The following PALLD variants were observed in gnomAD, a reference collection of about 807,000 sequenced individuals.
PALLD encodes palladin.
In PALLD, 61 loss-of-function variants were observed where a neutral mutation model predicts 123.5. The ratio of observed to expected loss-of-function variants is 0.49; its 90% confidence interval spans 0.40 to 0.61. The LOEUF (loss-of-function observed/expected upper bound fraction) is 0.61. PALLD is among the 20% of genes least tolerant of loss of function. PALLD has a pLI of 0.00. For synonymous variants in PALLD, 465 were observed against 496.4 expected (o/e 0.94, Z 0.84); for missense variants, 1,273 against 1,377.0 (o/e 0.92, Z 1.20).
chr4:168,568,181 C>CA lies in PALLD; in HGVS notation c.908+55776dup, dbSNP rs140861490. Among the ~76,000 whole-genome samples the CA allele has an allele frequency of 2.6e-5, 4 of 151,480 alleles. 1 individual carries two copies. Among genetic ancestry groups the CA allele is most frequent in the Non-Finnish European group, 5.9e-5 (4 of 67,824 alleles). On this transcript the variant is annotated intron_variant, in intron 2 of 21. Transcript: ENST00000505667. The stretch of plus-strand genomic sequence containing the variant: ...CTATTAGTAACCAATAAATATATAG[C>CA]AAAAAAATCATTAGGCTTTATCGAC...
chr4:168,628,610 C>G (rs1176300477), intron 2 of PALLD, among the ~76,000 whole-genome samples: 1 of 152,280 alleles, frequency 6.6e-6, no homozygotes, highest in South Asian at 2.1e-4. Context: ...TTACCATGAT[C>G]AAGTCTTTGC....
At chr4:168,637,122 A>C (rs1199905044) in intron 2 of PALLD, among the ~76,000 whole-genome samples, 1 of 152,196 alleles carries the variant, frequency 6.6e-6, no homozygotes, top group Non-Finnish European at 1.5e-5. Flanking sequence ...TTTCTACTTA[A>C]AGATAGAAAC....
intron 2 of PALLD, among the ~76,000 whole-genome samples, chr4:168,587,945 G>T (rs1300716617): frequency 2.0e-5 from 3 of 152,084 alleles, no homozygotes; most frequent in African/African-American, 7.2e-5. Context: ...AGATGAGACT[G>T]CGAGGCGTGT....
intron 14 of PALLD, 32 bp from the exon 15 acceptor site, chr4:168,903,725 T>C: frequency 2.5e-6 from 4 of 1,583,534 alleles, no homozygotes; most frequent in Non-Finnish European, 3.5e-6. Flanking sequence ...ATACACAAAC[T>C]CCTAATCTTT....
intron 2 of PALLD, among the ~76,000 whole-genome samples, chr4:168,590,245 G>A (rs926422849): frequency 6.6e-6 from 1 of 152,224 alleles, no homozygotes; most frequent in Non-Finnish European, 1.5e-5. Context: ...AGGAGGCTGA[G>A]GCAGGAGAAT....
chr4:168,527,872 A>G (rs1345571493), intron 2 of PALLD, among the ~76,000 whole-genome samples: 3 of 152,220 alleles, frequency 2.0e-5, no homozygotes, highest in Admixed American at 6.5e-5. Context: ...TTAGTGTCCC[A>G]TCTTCCTCCT....
At chr4:168,816,006 A>G (rs141336675) in intron 10 of PALLD, among the ~76,000 whole-genome samples, 308 of 152,346 alleles carry the variant, frequency 2.0e-3, no homozygotes, top group African/African-American at 6.8e-3. Flanking sequence ...TTATTGTTTC[A>G]GGTTTCCCTT....
chr4:168,766,725 C>T (rs1005969909), intron 10 of PALLD, among the ~76,000 whole-genome samples: 9 of 152,190 alleles, frequency 5.9e-5, no homozygotes, highest in African/African-American at 9.6e-5. Context: ...GAAGTCACTG[C>T]GCCTTAGAAT....
chr4:168,527,212 C>T (rs955544837), intron 2 of PALLD, among the ~76,000 whole-genome samples: 5 of 152,038 alleles, frequency 3.3e-5, no homozygotes, highest in Admixed American at 2.6e-4. Flanking sequence ...CACCTGAGGT[C>T]GGGAGTTCAA....
At chr4:168,707,013 T>G (rs964084221) in intron 8 of PALLD, among the ~76,000 whole-genome samples, 1 of 152,238 alleles carries the variant, frequency 6.6e-6, no homozygotes, top group Non-Finnish European at 1.5e-5. Flanking sequence ...ATTAATTTGA[T>G]GTATAGGTAA....
At chr4:168,794,997 G>C (rs893684332) in intron 10 of PALLD, among the ~76,000 whole-genome samples, 3 of 152,122 alleles carry the variant, frequency 2.0e-5, no homozygotes, top group Admixed American at 6.5e-5. Flanking sequence ...GTTTGGTGAG[G>C]GTTGGCTTCC....
chr4:168,824,885 G>A (rs13144955), intron 10 of PALLD, among the ~76,000 whole-genome samples: 3 of 138,898 alleles, frequency 2.2e-5, no homozygotes, highest in South Asian at 2.2e-4. Context: ...GCAGTGGCAC[G>A]ATCTTGGCTC....
chr4:168,864,814 T>G (rs561442965), intron 10 of PALLD, among the ~76,000 whole-genome samples: 1 of 152,330 alleles, frequency 6.6e-6, no homozygotes, highest in African/African-American at 2.4e-5. Flanking sequence ...ATTTCAAGAT[T>G]TTGCAGCATT....
At chr4:168,501,533 TGCCTGTTGACAATTCAAGGTTGATA>T (rs1761401414) in intron 1 of PALLD, among the ~76,000 whole-genome samples, 1 of 152,246 alleles carries the variant, frequency 6.6e-6, no homozygotes, top group Non-Finnish European at 1.5e-5. Flanking sequence ...GGATATAAGC[TGCCTGTTGACAATTCAAGGTTGATA>T]GGATTCTGTA....
At chr4:168,587,872 G>T (rs138349300) in intron 2 of PALLD, among the ~76,000 whole-genome samples, 1 of 152,072 alleles carries the variant, frequency 6.6e-6, no homozygotes, top group African/African-American at 2.4e-5. Context: ...GCGCTCTTCA[G>T]GGGGGTGCAG....
intron 2 of PALLD, among the ~76,000 whole-genome samples, chr4:168,581,112 C>A (rs964500090): frequency 6.6e-6 from 1 of 151,822 alleles, no homozygotes; most frequent in Non-Finnish European, 1.5e-5. Flanking sequence ...TGAACATGTA[C>A]CCCTGCACCT....
At chr4:168,763,430 A>G (rs552370847) in intron 10 of PALLD, among the ~76,000 whole-genome samples, 1 of 152,342 alleles carries the variant, frequency 6.6e-6, no homozygotes, top group Admixed American at 6.5e-5. Flanking sequence ...AAACAGGTTC[A>G]CAGCCGTTCC....
intron 2 of PALLD, among the ~76,000 whole-genome samples, chr4:168,627,818 C>T (rs1775445219): frequency 6.6e-6 from 1 of 152,094 alleles, no homozygotes; most frequent in Admixed American, 6.6e-5. Flanking sequence ...ACTATATAAA[C>T]AATAAGGCCA....
At position 168,686,879 on chromosome 4, in the gene PALLD, C is replaced by A. The variant is rs115017006; in HGVS notation, c.1335+1320C>A. Among the ~76,000 whole-genome samples the A allele has an allele frequency of 8.3e-3, 1,258 of 152,206 alleles. 21 individuals are homozygous for A. The highest frequency in any genetic ancestry group is 0.028 in the African/African-American group (1,176 of 41,532). On this transcript the variant is annotated intron_variant, in intron 6 of 21. Coordinates refer to ENST00000505667, the MANE Select transcript of PALLD (RefSeq NM_001166108.2). Reference sequence around the variant, plus strand: ...GGATTTGTCCTATAAGATAGCAAGACGTTTTAAAGGTATAGTAATTAGGAC... The same window carrying A: ...GGATTTGTCCTATAAGATAGCAAGAAGTTTTAAAGGTATAGTAATTAGGAC...
Sources: gnomAD v4.1 joint callset for allele counts (sites outside exome capture counted in the v4.1 genomes callset) on GRCh38, gnomAD v4.1.1 for gene constraint, MANE v1.5 for transcripts, NCBI Gene and HGNC (gene_info 2026-07-23, HGNC 2026-07-21) for gene names.